The following SH3PXD2B variants were observed in gnomAD, a reference collection of about 807,000 sequenced individuals.
SH3PXD2B encodes the protein SH3 and PX domain-containing protein 2B.
In SH3PXD2B, 37 loss-of-function variants were observed where a neutral mutation model predicts 73.1. The observed-to-expected ratio is 0.51, with a 90% CI of 0.39 to 0.67. The LOEUF (loss-of-function observed/expected upper bound fraction) is 0.67, where lower values mean the gene tolerates loss of function less well. SH3PXD2B is among the 30% of genes least tolerant of loss of function. The pLI is 0.00. For missense variants in SH3PXD2B, 1,053 were observed against 1,197.8 expected (o/e 0.88, Z 1.78); for synonymous variants, 457 against 480.5 (o/e 0.95, Z 0.64).
rs1376833318 is a variant in SH3PXD2B, at chr5:172,437,846, C to T, written c.76-15350G>A. 3.9e-5 allele frequency among the ~76,000 whole-genome samples: 6 copies of T among 152,222 alleles called. No homozygotes were observed. In the South Asian group the frequency reaches 1.0e-3, roughly 26 times the overall value. ...TGGTTGAGCTGAGGGCTCCGCTTATCCCTGTGTGCAGAGGTGTGCCAAATG... is the reference window on the plus strand; with the variant it reads ...TGGTTGAGCTGAGGGCTCCGCTTATTCCTGTGTGCAGAGGTGTGCCAAATG... On this transcript the variant is annotated intron_variant, in intron 1 of 12. Coordinates refer to ENST00000311601, the MANE Select transcript of SH3PXD2B (RefSeq NM_001017995.3).
chr5:172,380,309 C>T (rs1757914779), intron 5 of SH3PXD2B, among the ~76,000 whole-genome samples: 1 of 152,172 alleles, frequency 6.6e-6, no homozygotes, highest in Non-Finnish European at 1.5e-5. Context: ...AATCCTTCCG[C>T]CTCGGCCTCC....
In SH3PXD2B at chr5:172,338,036, C is replaced by T. The variant is rs2113248450; in HGVS notation, c.*333G>A. 3 of 1,245,676 alleles carry T rather than the reference C, an allele frequency of 2.4e-6. No individual in the cohort carries two copies. The South Asian group carries it at 5.2e-5, about 22-fold the overall frequency. The allele number at this position is 1,245,676 out of a possible 1,614,324, so 77.2% of individuals were successfully genotyped here. A position where few individuals can be genotyped will look rare whatever the true frequency, so the allele number is the denominator to read the frequency against. ...TGGAGTTTCTCCAGGCAATGGGATC[C>T]AGTCCTGGAGGTCTTGGAGAGTCTT... On this transcript the variant is annotated 3_prime_UTR_variant, in exon 13 of 13. Transcript: ENST00000311601. The surrounding 1 kb of genome is among the most constrained non-coding windows in gnomAD (Gnocchi z 5.1).
intron 1 of SH3PXD2B, among the ~76,000 whole-genome samples, chr5:172,439,692 G>GCGCGCA (rs1554087696): frequency 1.0e-4 from 14 of 138,624 alleles, no homozygotes; most frequent in African/African-American, 3.9e-4. Flanking sequence ...GCACGCGCGC[G>GCGCGCA]CACACACACA....
Position 172,335,909 on chromosome 5 carries a change from G to A in SH3PXD2B, c.*2460C>T. 1 of 1,202,360 alleles carries A rather than the reference G, an allele frequency of 8.3e-7. No homozygotes were observed. The allele number at this position is 1,202,360 out of a possible 1,614,324, so 74.5% of individuals were successfully genotyped here. On this transcript the variant is annotated 3_prime_UTR_variant, in exon 13 of 13. Coordinates refer to ENST00000311601, the MANE Select transcript of SH3PXD2B (RefSeq NM_001017995.3). ...TGTGGCTTCAGTACCCGCGGGTCAT[G>A]TCAGAATAATCATCATCATCATAGC...
At chr5:172,385,757 A>C (rs1353442922) in intron 4 of SH3PXD2B, among the ~76,000 whole-genome samples, 1 of 152,230 alleles carries the variant, frequency 6.6e-6, no homozygotes, top group East Asian at 1.9e-4. Flanking sequence ...TCTGGTTTTG[A>C]GCTATGCCTA....
intron 1 of SH3PXD2B, among the ~76,000 whole-genome samples, chr5:172,428,317 G>A (rs1759150480): frequency 6.6e-6 from 1 of 152,228 alleles, no homozygotes; most frequent in South Asian, 2.1e-4. Context: ...TGGAGGGCAA[G>A]GAAGCACATG....
At chr5:172,384,926 G>C (rs1758026006) in intron 4 of SH3PXD2B, among the ~76,000 whole-genome samples, 1 of 152,154 alleles carries the variant, frequency 6.6e-6, no homozygotes, top group Admixed American at 6.5e-5. Context: ...ACCCTTCTGA[G>C]GGGTGACTAA....
At chr5:172,348,662 T>TCTATCTATCTATC (rs1757065702) in intron 10 of SH3PXD2B, among the ~76,000 whole-genome samples, 11 of 30,550 alleles carry the variant, frequency 3.6e-4, no homozygotes, top group African/African-American at 9.8e-4. Flanking sequence ...ATCCTATCTA[T>TCTATCTATCTATC]CTATCTATCT....
intron 1 of SH3PXD2B, among the ~76,000 whole-genome samples, chr5:172,436,499 T>C (rs1759390704): frequency 6.6e-6 from 1 of 152,174 alleles, no homozygotes; most frequent in African/African-American, 2.4e-5. Flanking sequence ...CTATCCTTTG[T>C]TCTATAGTTA....
intron 5 of SH3PXD2B, among the ~76,000 whole-genome samples, chr5:172,379,894 C>G (rs1757904769): frequency 6.6e-6 from 1 of 152,108 alleles, no homozygotes; most frequent in Non-Finnish European, 1.5e-5. Flanking sequence ...ATCAAGTGAG[C>G]CTCTTGTGTG....
intron 1 of SH3PXD2B, among the ~76,000 whole-genome samples, chr5:172,437,364 C>T (rs1447420663): frequency 6.6e-6 from 1 of 152,190 alleles, no homozygotes; most frequent in Non-Finnish European, 1.5e-5. Context: ...AACTGCAGCA[C>T]CCAAAGTTTG....
At chr5:172,363,437 A>G (rs992852191) in intron 6 of SH3PXD2B, among the ~76,000 whole-genome samples, 2 of 152,240 alleles carry the variant, frequency 1.3e-5, no homozygotes, top group African/African-American at 4.8e-5. Flanking sequence ...ACAGAGAGAG[A>G]CATGTACATA....
At chr5:172,384,154 A>G (rs1172232192) in intron 4 of SH3PXD2B, among the ~76,000 whole-genome samples, 4 of 151,844 alleles carry the variant, frequency 2.6e-5, no homozygotes, top group African/African-American at 9.7e-5. Context: ...TGTGTCTTGC[A>G]TTTTCTATAT....
In SH3PXD2B at chr5:172,382,037, C is replaced by A; in HGVS notation, c.400G>T (p.Glu134Ter). The change falls in exon 5 of 13, where the codon GAG becomes TAG. Residue 134 changes from glutamate (E) to a stop codon, truncating the protein, a stop_gained and splice_region_variant. Transcript: ENST00000311601. LOFTEE classifies it high-confidence loss of function. ...GGGGAAGCCCACAAACAAACTTACTCTTTGGGGGGATTCAGGTCCTCAGGT... is the reference window on the plus strand; with the variant it reads ...GGGGAAGCCCACAAACAAACTTACTATTTGGGGGGATTCAGGTCCTCAGGT... ...TRPEDLNPPK[E>*]EHIGKKKSGG... The A allele has an allele frequency of 6.2e-7, 1 of 1,610,162 alleles. No individual in the cohort carries two copies. Among genetic ancestry groups the A allele is most frequent in the South Asian group, 1.1e-5 (1 of 90,028 alleles).
intron 10 of SH3PXD2B, among the ~76,000 whole-genome samples, chr5:172,348,685 A>G (rs1466283227): frequency 4.0e-4 from 16 of 39,534 alleles, no homozygotes; most frequent in African/African-American, 1.1e-3. Flanking sequence ...CTATCTATCT[A>G]TCTATCTATC....
intron 4 of SH3PXD2B, among the ~76,000 whole-genome samples, chr5:172,391,889 C>A (rs1197348972): frequency 6.6e-6 from 1 of 152,172 alleles, no homozygotes; most frequent in African/African-American, 2.4e-5. Context: ...AAACTCTGCC[C>A]AACTCAAGGT....
At chr5:172,386,008 C>G (rs1305302240) in intron 4 of SH3PXD2B, among the ~76,000 whole-genome samples, 2 of 152,152 alleles carry the variant, frequency 1.3e-5, no homozygotes, top group Non-Finnish European at 2.9e-5. Context: ...TGGAACGGAT[C>G]CTGGCGCTTT....
chr5:172,331,238 C>G (rs536827134), downstream of SH3PXD2B, among the ~76,000 whole-genome samples: 53 of 152,106 alleles, frequency 3.5e-4, no homozygotes, highest in Non-Finnish European at 6.5e-4. Context: ...AATAATAGCA[C>G]AGAATATAAT....
In SH3PXD2B at chr5:172,335,022, G is replaced by A; in HGVS notation, c.*3347C>T. 1 of 985,464 alleles carries A rather than the reference G, an allele frequency of 1.0e-6. No homozygotes were observed. Among genetic ancestry groups the A allele is most frequent in the Non-Finnish European group, 1.2e-6 (1 of 829,956 alleles). 61.0% of individuals were successfully genotyped at this position (985,464 alleles called of 1,614,324 possible). A position where few individuals can be genotyped will look rare whatever the true frequency, so the allele number is the denominator to read the frequency against. ...AGGGCCATTAAAAGCGGTTTAAGCT[G>A]GAGCTCAGCTCTCCCGCAGTCTCAG... On this transcript the variant is annotated 3_prime_UTR_variant, in exon 13 of 13. Coordinates refer to ENST00000311601, the MANE Select transcript of SH3PXD2B (RefSeq NM_001017995.3).
Sources: gnomAD v4.1 joint callset for allele counts (sites outside exome capture counted in the v4.1 genomes callset) on GRCh38, gnomAD v4.1.1 for gene constraint, Gnocchi (gnomAD v3.1) non-coding constraint, MANE v1.5 for transcripts, NCBI Gene and HGNC (gene_info 2026-07-23, HGNC 2026-07-21) for gene names.